Variants in TRPC4 observed in about 807,000 individuals in gnomAD.
TRPC4 encodes the protein transient receptor potential cation channel subfamily C member 4, also known as short transient receptor potential channel 4.
Under a neutral mutation model 99.4 loss-of-function variants are expected in TRPC4, and 49 were observed. The ratio of observed to expected loss-of-function variants is 0.49; its 90% CI spans 0.39 to 0.63. TRPC4 has a LOEUF of 0.63. TRPC4 is among the 20% of genes least tolerant of loss of function. The pLI is 0.00. For missense variants in TRPC4, 898 were observed against 1,152.9 expected, an observed-to-expected ratio of 0.78 and a Z score of 3.20; for synonymous variants, 454 against 425.9, an observed-to-expected ratio of 1.07 and a Z score of -0.81.
intron 8 of TRPC4, among the ~76,000 whole-genome samples, chr13:37,649,761 C>CAAAAA (rs1455824451): frequency 5.3e-5 from 3 of 57,104 alleles, no homozygotes; most frequent in Admixed American, 2.3e-4. Context: ...AAAAAAAAAA[C>CAAAAA]AACAACAAAG....
intron 2 of TRPC4, among the ~76,000 whole-genome samples, chr13:37,780,283 T>C (rs1208974731): frequency 6.6e-6 from 1 of 152,164 alleles, no homozygotes; most frequent in African/African-American, 2.4e-5. Flanking sequence ...TAAAAACTAC[T>C]AAGTGTTCTA....
chr13:37,816,597 C>G (rs1957862579), intron 1 of TRPC4, among the ~76,000 whole-genome samples: 1 of 151,942 alleles, frequency 6.6e-6, no homozygotes. Context: ...GGCCAATATC[C>G]TTGAAGAACA....
At chr13:37,738,609 T>G (rs1259383637) in intron 3 of TRPC4, among the ~76,000 whole-genome samples, 4 of 152,156 alleles carry the variant, frequency 2.6e-5, no homozygotes, top group African/African-American at 9.7e-5. Flanking sequence ...AGCAATGTAG[T>G]GTTTACAAAC....
chr13:37,827,783 G>A (rs1421652995), intron 1 of TRPC4, among the ~76,000 whole-genome samples: 1 of 152,224 alleles, frequency 6.6e-6, no homozygotes, highest in Non-Finnish European at 1.5e-5. Context: ...GCCTCCTTGA[G>A]CTGTGGTGGG....
rs1389444315 is a variant in TRPC4, at chr13:37,746,245, G to A, written c.589C>T (p.Leu197Phe). Residue 197 changes from leucine (L) to phenylalanine (F), a missense_variant, in exon 3 of 11, where the codon CTC (leucine) becomes TTC (phenylalanine). Coordinates refer to ENST00000379705, the MANE Select transcript of TRPC4 (RefSeq NM_016179.4). Reference sequence around the variant, plus strand: ...CTGGCCAAGGCCTTGTAGATGTTGAGTCTGGAGCGTGAGTGACGGAGGCTG... The same window carrying A: ...CTGGCCAAGGCCTTGTAGATGTTGAATCTGGAGCGTGAGTGACGGAGGCTG... ...VDSLRHSRSRLNIYKALASPS... is the reference protein window; with the variant it reads ...VDSLRHSRSRFNIYKALASPS... 1 of 1,613,842 alleles carries A rather than the reference G, an allele frequency of 6.2e-7. No individual in the cohort carries two copies. The highest frequency in any genetic ancestry group is 1.1e-5 in the South Asian group (1 of 91,084).
intron 5 of TRPC4, among the ~76,000 whole-genome samples, chr13:37,669,999 T>A (rs562621125): frequency 6.6e-6 from 1 of 152,244 alleles, no homozygotes; most frequent in Non-Finnish European, 1.5e-5. Flanking sequence ...TGGGCTTTCA[T>A]GATGAGATTA....
chr13:37,698,572 C>T (rs953211796), intron 3 of TRPC4, among the ~76,000 whole-genome samples: 9 of 152,098 alleles, frequency 5.9e-5, no homozygotes, highest in African/African-American at 1.9e-4. Flanking sequence ...AGGTTATCAA[C>T]AAGCAAATTT....
At chr13:37,779,624 A>G (rs77569904) in intron 2 of TRPC4, among the ~76,000 whole-genome samples, 2,500 of 152,162 alleles carry the variant, frequency 0.016, 48 homozygotes, top group African/African-American at 0.057. Context: ...AAGAAAACCA[A>G]TGTCAGAACT....
chr13:37,675,846 G>A (rs1953026378), intron 4 of TRPC4, among the ~76,000 whole-genome samples: 1 of 152,092 alleles, frequency 6.6e-6, no homozygotes, highest in Admixed American at 6.6e-5. Flanking sequence ...CCATCACGAG[G>A]CCAACAAACA....
At chr13:37,807,161 A>T (rs1164239761) in intron 1 of TRPC4, among the ~76,000 whole-genome samples, 1 of 151,928 alleles carries the variant, frequency 6.6e-6, no homozygotes, top group African/African-American at 2.4e-5. Context: ...AGATGCACAC[A>T]TTTCTTTTTC....
At chr13:37,699,651 G>A (rs999118871) in intron 3 of TRPC4, among the ~76,000 whole-genome samples, 5 of 152,102 alleles carry the variant, frequency 3.3e-5, no homozygotes, top group East Asian at 1.9e-4. Flanking sequence ...CAAAAATTTC[G>A]TACCCAGTCA....
chr13:37,816,510 T>C (rs1054646619), intron 1 of TRPC4, among the ~76,000 whole-genome samples: 2 of 151,812 alleles, frequency 1.3e-5, no homozygotes. Context: ...GAGAAAAGAC[T>C]CCTCCCTAAC....
intron 5 of TRPC4, among the ~76,000 whole-genome samples, chr13:37,673,130 G>A (rs527488358): frequency 5.4e-4 from 70 of 128,768 alleles, no homozygotes; most frequent in African/African-American, 2.0e-3. Flanking sequence ...AGTGTGTGAT[G>A]TTCCCCACCC....
chr13:37,793,967 AG>A (rs1240414571), intron 1 of TRPC4, among the ~76,000 whole-genome samples: 1 of 152,188 alleles, frequency 6.6e-6, no homozygotes, highest in African/African-American at 2.4e-5. Context: ...GAGACTCAAA[AG>A]CTAATAATGG....
Position 37,709,617 on chromosome 13 carries a change from A to T in TRPC4, c.898-17282T>A, listed in dbSNP as rs1050995805. Among the ~76,000 whole-genome samples the T allele has an allele frequency of 1.3e-4, 20 of 151,482 alleles. 2 individuals carry two copies. The highest frequency in any genetic ancestry group is 1.3e-3 in the Admixed American group (19 of 15,180). On this transcript the variant is annotated intron_variant, in intron 3 of 10. Transcript: ENST00000379705. ...TCCTTATTTAACCAGTCCAATCACC[A>T]CTCTACTTTATTCTCTGTCCAGTGG...
intron 3 of TRPC4, among the ~76,000 whole-genome samples, chr13:37,700,859 A>G (rs901340286): frequency 2.6e-5 from 4 of 152,144 alleles, no homozygotes; most frequent in African/African-American, 9.7e-5. Context: ...ACTTCCTTTT[A>G]TGCTCTCTAA....
intron 1 of TRPC4, among the ~76,000 whole-genome samples, chr13:37,793,896 G>A (rs949471365): frequency 2.6e-5 from 4 of 152,072 alleles, no homozygotes; most frequent in Admixed American, 1.3e-4. Flanking sequence ...GTGGTAAAAG[G>A]CAGGTAATAT....
chr13:37,717,824 C>T (rs1263052943), intron 3 of TRPC4, among the ~76,000 whole-genome samples: 2 of 151,796 alleles, frequency 1.3e-5, no homozygotes, highest in African/African-American at 4.8e-5. Context: ...TATAGACCAA[C>T]CCCCCCGAAA....
At chr13:37,780,997 T>G (rs1283780055) in intron 2 of TRPC4, among the ~76,000 whole-genome samples, 1 of 151,996 alleles carries the variant, frequency 6.6e-6, no homozygotes. Context: ...TGACTGCCTT[T>G]TATTAATAAT....
Sources: allele counts gnomAD v4.1 joint callset (sites outside exome capture counted in the v4.1 genomes callset), GRCh38; gene constraint gnomAD v4.1.1; transcripts MANE v1.5; gene names NCBI Gene and HGNC (gene_info 2026-07-23, HGNC 2026-07-21).